The following ZNF804B variants were observed in gnomAD, a reference collection of about 807,000 sequenced individuals.
The protein encoded by ZNF804B is zinc finger 804B.
ZNF804B carries 80 observed loss-of-function variants against 101.4 expected under a neutral mutation model. The observed-to-expected ratio is 0.79, with a 90% CI of 0.66 to 0.95. The LOEUF (loss-of-function observed/expected upper bound fraction) is 0.95, where lower values mean the gene tolerates loss of function less well. ZNF804B is among the 40% of genes least tolerant of loss of function. The pLI is 0.00. For synonymous variants in ZNF804B, 622 were observed against 558.8 expected (o/e 1.11, Z -1.59); for missense variants, 1,673 against 1,561.9 (o/e 1.07, Z -1.20).
chr7:89,153,222 T>A (rs1325790173), intron 1 of ZNF804B, among the ~76,000 whole-genome samples: 2 of 151,458 alleles, frequency 1.3e-5, no homozygotes. Flanking sequence ...TGAGGAAAAA[T>A]GACTTGAGTT....
chr7:89,297,956 T>G (rs186901553), intron 2 of ZNF804B, among the ~76,000 whole-genome samples: 1 of 150,074 alleles, frequency 6.7e-6, no homozygotes, highest in Non-Finnish European at 1.5e-5. Flanking sequence ...TAGGATCTAA[T>G]CTAGGATCAG....
intron 1 of ZNF804B, among the ~76,000 whole-genome samples, chr7:89,176,820 T>C (rs2115568007): frequency 6.6e-6 from 1 of 152,138 alleles, no homozygotes; most frequent in Admixed American, 6.6e-5. Flanking sequence ...TCATTATTTG[T>C]TATTCATCTT....
chr7:89,091,938 A>G (rs4382404), intron 1 of ZNF804B, among the ~76,000 whole-genome samples: 69,306 of 151,946 alleles, frequency 0.46, 16,453 homozygotes, highest in Non-Finnish European at 0.52. Context: ...TATTCTTTAT[A>G]TTTACTTATA....
rs919222667 is a variant in ZNF804B, at chr7:89,335,552, A to C, written c.2570A>C (p.Tyr857Ser). The C allele has an allele frequency of 5.0e-6, 8 of 1,613,782 alleles. No individual in the cohort carries two copies. The highest frequency in any genetic ancestry group is 6.8e-6 in the Non-Finnish European group (8 of 1,179,946). The change falls in exon 4 of 4, where the codon TAC becomes TCC. Residue 857 changes from tyrosine (Y) to serine (S), a missense_variant. Coordinates refer to ENST00000333190, the MANE Select transcript of ZNF804B (RefSeq NM_181646.5). ...ACTCAGCACGACAGATTGGACTCTTACTCAATAGAGAAAATGTATTACTTG... is the reference window on the plus strand; with the variant it reads ...ACTCAGCACGACAGATTGGACTCTTCCTCAATAGAGAAAATGTATTACTTG... Reference protein sequence around the residue: ...QGTQHDRLDSYSIEKMYYLNK... With the variant: ...QGTQHDRLDSSSIEKMYYLNK...
At position 89,334,099 on chromosome 7, in the gene ZNF804B, T is replaced by A; in HGVS notation, c.1117T>A (p.Tyr373Asn). ...ANASFSPPNIYNHSDARISEC... is the reference protein window; with the variant it reads ...ANASFSPPNINNHSDARISEC... ...TGCTTCCTTCAGCCCACCAAACATTTACAACCATAGTGATGCCAGGATATC... is the reference window on the plus strand; with the variant it reads ...TGCTTCCTTCAGCCCACCAAACATTAACAACCATAGTGATGCCAGGATATC... The change falls in exon 4 of 4, where the codon TAC (tyrosine) becomes AAC (asparagine). Residue 373 changes from tyrosine (Y) to asparagine (N), a missense_variant. Physicochemically the swap from Tyr to Asn is moderately radical, Grantham distance 143. Transcript: ENST00000333190. 5.6e-6 allele frequency: 9 copies of A among 1,613,724 alleles called. No homozygotes were observed. The highest frequency in any genetic ancestry group is 7.6e-6 in the Non-Finnish European group (9 of 1,179,850).
intron 1 of ZNF804B, among the ~76,000 whole-genome samples, chr7:88,880,174 A>T (rs1000492471): frequency 2.5e-4 from 38 of 152,324 alleles, no homozygotes; most frequent in African/African-American, 8.2e-4. Flanking sequence ...TTCAGAAAAT[A>T]TGGTGTTTTG....
intron 1 of ZNF804B, among the ~76,000 whole-genome samples, chr7:89,018,991 T>C (rs1349212171): frequency 6.6e-6 from 1 of 152,054 alleles, no homozygotes; most frequent in Non-Finnish European, 1.5e-5. Flanking sequence ...TGTTTAGTTC[T>C]TTTCTGAGCC....
intron 1 of ZNF804B, among the ~76,000 whole-genome samples, chr7:88,876,651 T>C (rs1219613884): frequency 6.6e-6 from 1 of 152,092 alleles, no homozygotes; most frequent in African/African-American, 2.4e-5. Flanking sequence ...CTGTCTTATA[T>C]TGTTTGCTGT....
At chr7:88,941,942 C>T (rs905921087) in intron 1 of ZNF804B, among the ~76,000 whole-genome samples, 1 of 151,806 alleles carries the variant, frequency 6.6e-6, no homozygotes, top group African/African-American at 2.4e-5. Context: ...ATTCCTTGGG[C>T]CCTGAAGTCC....
At chr7:89,318,770 G>A (rs890246549) in intron 2 of ZNF804B, among the ~76,000 whole-genome samples, 4 of 152,074 alleles carry the variant, frequency 2.6e-5, no homozygotes, top group African/African-American at 9.7e-5. Flanking sequence ...GCTGAGACCA[G>A]CTCATTCGGA....
chr7:89,257,933 TAC>T (rs1478962975), intron 2 of ZNF804B, among the ~76,000 whole-genome samples: 2 of 152,116 alleles, frequency 1.3e-5, no homozygotes, highest in Admixed American at 6.6e-5. Flanking sequence ...AGGTGCATTA[TAC>T]AGATATTGAT....
At chr7:89,310,458 A>G (rs1790635347) in intron 2 of ZNF804B, among the ~76,000 whole-genome samples, 1 of 152,158 alleles carries the variant, frequency 6.6e-6, no homozygotes, top group South Asian at 2.1e-4. Flanking sequence ...GTCTAATTTC[A>G]TTAATTTCAT....
chr7:88,902,639 AAT>A (rs1457977583), intron 1 of ZNF804B, among the ~76,000 whole-genome samples: 3 of 152,062 alleles, frequency 2.0e-5, no homozygotes, highest in Non-Finnish European at 4.4e-5. Context: ...TAGATTTTAA[AAT>A]ATATGTTTAT....
At chr7:88,861,096 A>T (rs1583982049) in intron 1 of ZNF804B, among the ~76,000 whole-genome samples, 1 of 152,160 alleles carries the variant, frequency 6.6e-6, no homozygotes. Context: ...GATATATATT[A>T]ATCTACTAGA....
chr7:89,027,141 CACTG>C (rs941138371), intron 1 of ZNF804B, among the ~76,000 whole-genome samples: 4 of 152,004 alleles, frequency 2.6e-5, no homozygotes, highest in African/African-American at 4.8e-5. Context: ...GAAAGTAAAA[CACTG>C]ACTGAAAAGT....
At chr7:89,224,527 T>C (rs1789051701) in intron 2 of ZNF804B, among the ~76,000 whole-genome samples, 1 of 152,054 alleles carries the variant, frequency 6.6e-6, no homozygotes, top group Non-Finnish European at 1.5e-5. Context: ...AAGTGATATA[T>C]AGTATGTTTA....
In ZNF804B at chr7:89,224,982, ATCAAGTAGTT is replaced by A. The variant is rs1562921961; in HGVS notation, c.249+6690_249+6699del. Among the ~76,000 whole-genome samples the A allele has an allele frequency of 2.0e-5, 3 of 152,190 alleles. No homozygotes were observed. The East Asian group carries it at 5.8e-4, about 29-fold the overall frequency. On this transcript the variant is annotated intron_variant, in intron 2 of 3. Coordinates refer to ENST00000333190, the MANE Select transcript of ZNF804B (RefSeq NM_181646.5). The stretch of plus-strand genomic sequence containing the variant: ...CTGGCTCCTTCTGACTTCCAGATAT[ATCAAGTAGTT>A]TCCTTCTACCTTATGACACTGGCTA...
At chr7:89,296,907 A>G (rs935267035) in intron 2 of ZNF804B, among the ~76,000 whole-genome samples, 4 of 152,062 alleles carry the variant, frequency 2.6e-5, no homozygotes, top group African/African-American at 7.2e-5. Context: ...CATGTCAACT[A>G]TTTTAATATT....
At chr7:89,290,633 C>T (rs1215168968) in intron 2 of ZNF804B, among the ~76,000 whole-genome samples, 1 of 152,072 alleles carries the variant, frequency 6.6e-6, no homozygotes, top group East Asian at 1.9e-4. Flanking sequence ...GTAGTAGAGG[C>T]TCCTTTGACT....
Sources: allele counts gnomAD v4.1 joint callset (sites outside exome capture counted in the v4.1 genomes callset), GRCh38; gene constraint gnomAD v4.1.1; transcripts MANE v1.5; gene names NCBI Gene and HGNC (gene_info 2026-07-23, HGNC 2026-07-21).